CFAP20DC: variants seen among roughly 807,000 people sequenced by gnomAD.
CFAP20DC encodes CFAP20 domain containing.
CFAP20DC carries 84 observed loss-of-function variants against 101.7 expected under a neutral mutation model. The ratio of observed to expected loss-of-function variants is 0.83; its 90% CI spans 0.69 to 0.99. CFAP20DC has a LOEUF of 0.99. CFAP20DC is among the 50% of genes least tolerant of loss of function. The pLI is 0.00. For synonymous variants in CFAP20DC, 359 were observed against 351.2 expected, an observed-to-expected ratio of 1.02 and a Z score of -0.25; for missense variants, 1,007 against 970.3, an observed-to-expected ratio of 1.04 and a Z score of -0.50.
intron 15 of CFAP20DC, among the ~76,000 whole-genome samples, chr3:58,776,655 G>A (rs1263631371): frequency 1.3e-5 from 2 of 149,088 alleles, no homozygotes; most frequent in East Asian, 3.9e-4. Flanking sequence ...TATCTCGTAT[G>A]TATTACATAC....
chr3:58,934,898 A>G (rs1242800630), intron 5 of CFAP20DC, among the ~76,000 whole-genome samples: 1 of 152,332 alleles, frequency 6.6e-6, no homozygotes, highest in Admixed American at 6.5e-5. Flanking sequence ...CTCCTATTCA[A>G]CATAGTGTTG....
chr3:58,856,689 A>T (rs2078861174), intron 12 of CFAP20DC, among the ~76,000 whole-genome samples: 1 of 152,132 alleles, frequency 6.6e-6, no homozygotes, highest in South Asian at 2.1e-4. Context: ...TTTTTTTTTC[A>T]TAGAGATAAA....
Position 58,784,319 on chromosome 3 carries a change from C to T in CFAP20DC, c.2237+22076G>A, listed in dbSNP as rs183871516. Among the ~76,000 whole-genome samples, 52 of 151,972 alleles carry T rather than the reference C, an allele frequency of 3.4e-4. No individual in the cohort carries two copies. The East Asian group carries it at 0.01, about 29-fold the overall frequency. ...TATATGTACCAAATATTCCATGATA[C>T]ATATACATCATGAAAGACTATAGCA... On this transcript the variant is annotated intron_variant, in intron 15 of 16. Transcript: ENST00000482387.
chr3:58,978,690 CAA>C (rs2092388872), intron 4 of CFAP20DC, among the ~76,000 whole-genome samples: 1 of 125,684 alleles, frequency 8.0e-6, no homozygotes, highest in Non-Finnish European at 1.6e-5. Flanking sequence ...GCCTGGGTGA[CAA>C]GAGAGAGACT....
At position 58,971,864 on chromosome 3, in the gene CFAP20DC, T is replaced by TACACACAC. The variant is rs34030341; in HGVS notation, c.279-34110_279-34103dup. Among the ~76,000 whole-genome samples the TACACACAC allele has an allele frequency of 2.4e-3, 345 of 142,472 alleles. No individual in the cohort carries two copies. The highest frequency in any genetic ancestry group is 8.2e-3 in the African/African-American group (325 of 39,478). 93.5% of individuals were successfully genotyped at this position (142,472 alleles called of 152,430 possible). A position where few individuals can be genotyped will look rare whatever the true frequency, so the allele number is the denominator to read the frequency against. ...CTGTAATATCATACACACGCACACA[T>TACACACAC]ACACACACACACACACACACACACA... is the stretch of plus-strand genomic sequence containing the variant. On this transcript the variant is annotated intron_variant, in intron 4 of 16. Transcript: ENST00000482387. The surrounding 1 kb of genome is among the most constrained non-coding windows in gnomAD (Gnocchi z 4.1).
At chr3:58,909,695 A>T (rs1222388848) in intron 6 of CFAP20DC, among the ~76,000 whole-genome samples, 1 of 152,090 alleles carries the variant, frequency 6.6e-6, no homozygotes, top group Admixed American at 6.6e-5. Flanking sequence ...TTTCTTAAAG[A>T]CTTAACTTTC....
intron 5 of CFAP20DC, among the ~76,000 whole-genome samples, chr3:58,936,087 A>G (rs2087550649): frequency 6.6e-6 from 1 of 152,124 alleles, no homozygotes; most frequent in South Asian, 2.1e-4. Flanking sequence ...GAAAAAAACA[A>G]ACAACCCCAT....
chr3:58,968,037 G>C (rs1351727283), intron 4 of CFAP20DC, among the ~76,000 whole-genome samples: 1 of 152,176 alleles, frequency 6.6e-6, no homozygotes, highest in East Asian at 1.9e-4. Flanking sequence ...CAAAAGACAT[G>C]ATCTTGTTCT....
chr3:58,812,741 A>T (rs912646925), intron 14 of CFAP20DC, among the ~76,000 whole-genome samples: 5 of 151,716 alleles, frequency 3.3e-5, no homozygotes, highest in African/African-American at 9.7e-5. Flanking sequence ...AAAGAAGGGT[A>T]TGGGTTTATT....
At chr3:58,743,388 T>A (rs952747016) in intron 16 of CFAP20DC, among the ~76,000 whole-genome samples, 2 of 152,218 alleles carry the variant, frequency 1.3e-5, no homozygotes, top group African/African-American at 4.8e-5. Flanking sequence ...TTCTGAAAGT[T>A]CATGTAATGA....
intron 5 of CFAP20DC, among the ~76,000 whole-genome samples, chr3:58,916,072 C>CATACA (rs1453131501): frequency 6.6e-6 from 1 of 152,098 alleles, no homozygotes; most frequent in East Asian, 1.9e-4. Context: ...CCAAGTGGCT[C>CATACA]TCTATGATTA....
intron 4 of CFAP20DC, among the ~76,000 whole-genome samples, chr3:58,941,576 C>CT (rs1009423046): frequency 7.8e-4 from 115 of 147,202 alleles, no homozygotes; most frequent in African/African-American, 2.0e-3. Flanking sequence ...ATTTCTTTTT[C>CT]TTTTTTTTTT....
rs2107783980 is a variant in CFAP20DC, at chr3:58,937,692, G to C, written c.349C>G (p.Pro117Ala). ...STVHKELSST[P>A]LHAKIPLFMI... ...AAGAGTGGAATTTTTGCATGAAGAG[G>C]GGTGGAGGATAGTTCCTTATGGACC... Residue 117 changes from proline (P) to alanine (A), a missense_variant, in exon 5 of 17, where the codon CCT becomes GCT. Physicochemically the swap from Pro to Ala is conservative, Grantham distance 27. Transcript: ENST00000482387. The C allele has an allele frequency of 6.2e-7, 1 of 1,612,614 alleles. No homozygotes were observed. Among genetic ancestry groups the C allele is most frequent in the Non-Finnish European group, 8.5e-7 (1 of 1,178,760 alleles).
intron 4 of CFAP20DC, among the ~76,000 whole-genome samples, chr3:58,939,006 G>A (rs1296521906): frequency 6.6e-6 from 1 of 152,140 alleles, no homozygotes; most frequent in Non-Finnish European, 1.5e-5. Flanking sequence ...TGTAAACATA[G>A]TATCACATTT....
rs879390584 is a variant in CFAP20DC, at chr3:58,728,391, G to A, written c.198-10763C>T. Among the ~76,000 whole-genome samples the A allele has an allele frequency of 3.9e-5, 6 of 152,204 alleles. No homozygotes were observed. The highest frequency in any genetic ancestry group is 8.8e-5 in the Non-Finnish European group (6 of 68,040). On this transcript the variant is annotated intron_variant, in intron 3 of 3. Coordinates refer to the CFAP20DC transcript ENST00000486145. This position sits in a 1 kb window ranked among gnomAD's most constrained non-coding sequence, Gnocchi z 4.7. ...GATTCCTGAAAGTTGGTTGTTCCAT[G>A]GGATTTATGCCAAAGACTAAAGAAT... is the stretch of plus-strand genomic sequence containing the variant.
intron 3 of CFAP20DC, among the ~76,000 whole-genome samples, chr3:59,044,240 T>C (rs1406323050): frequency 6.6e-6 from 1 of 152,186 alleles, no homozygotes. Flanking sequence ...TTATAAATGT[T>C]AATTAAAAGC....
At chr3:58,841,550 TA>T (rs1187600584) in intron 13 of CFAP20DC, among the ~76,000 whole-genome samples, 1 of 152,230 alleles carries the variant, frequency 6.6e-6, no homozygotes, top group Non-Finnish European at 1.5e-5. Flanking sequence ...GAAACAAAAC[TA>T]ATTCTTTTAC....
At chr3:58,761,446 C>A (rs1425105464) in intron 15 of CFAP20DC, among the ~76,000 whole-genome samples, 1 of 152,084 alleles carries the variant, frequency 6.6e-6, no homozygotes, top group African/African-American at 2.4e-5. Context: ...ATTAGTCTTG[C>A]TAGTGGTCTA....
intron 15 of CFAP20DC, among the ~76,000 whole-genome samples, chr3:58,789,197 T>C (rs1345764189): frequency 6.6e-6 from 1 of 152,182 alleles, no homozygotes; most frequent in Non-Finnish European, 1.5e-5. Context: ...AACTAAGTCA[T>C]TAGCAAATCA....
Sources: allele counts gnomAD v4.1 joint callset (sites outside exome capture counted in the v4.1 genomes callset), GRCh38; gene constraint gnomAD v4.1.1; non-coding constraint Gnocchi (gnomAD v3.1); transcripts MANE v1.5; gene names NCBI Gene and HGNC (gene_info 2026-07-23, HGNC 2026-07-21).